Variants in TTC28 observed in about 807,000 individuals in gnomAD.
TTC28 encodes the protein tetratricopeptide repeat domain 28.
A neutral mutation model predicts 198.0 loss-of-function variants in TTC28; 61 were observed. The ratio of observed to expected loss-of-function variants is 0.31; its 90% CI spans 0.25 to 0.38. The LOEUF is 0.38. Ranked by LOEUF, TTC28 falls within the 10% of genes least tolerant of loss-of-function variation. The pLI, the probability that TTC28 is intolerant of heterozygous loss-of-function variation, is 1.00. For synonymous variants in TTC28, 1,171 were observed against 1,297.8 expected, an observed-to-expected ratio of 0.90 and a Z score of 2.10; for missense variants, 2,678 against 3,164.0, an observed-to-expected ratio of 0.85 and a Z score of 3.69.
At chr22:27,994,289 C>G (rs1319504633) in intron 17 of TTC28, among the ~76,000 whole-genome samples, 1 of 152,178 alleles carries the variant, frequency 6.6e-6, no homozygotes, top group Non-Finnish European at 1.5e-5. Context: ...ACACCCCACC[C>G]CCTAAAAACA....
intron 2 of TTC28, among the ~76,000 whole-genome samples, chr22:28,554,781 G>C (rs769121720): frequency 6.6e-5 from 10 of 152,156 alleles, no homozygotes; most frequent in Non-Finnish European, 7.3e-5. Flanking sequence ...TGAGGCAGGA[G>C]AATCACTTGA....
chr22:27,988,696 T>A (rs976174003), intron 21 of TTC28, among the ~76,000 whole-genome samples: 1 of 152,086 alleles, frequency 6.6e-6, no homozygotes, highest in Non-Finnish European at 1.5e-5. Flanking sequence ...CTTCTCTCAG[T>A]TTAAAATCCA....
At chr22:28,297,196 C>A (rs1280292899) in intron 4 of TTC28, among the ~76,000 whole-genome samples, 1 of 151,900 alleles carries the variant, frequency 6.6e-6, no homozygotes, top group African/African-American at 2.4e-5. Context: ...TAGAGGCACT[C>A]GCTTTTTTTT....
At position 28,245,775 on chromosome 22, in the gene TTC28, C is replaced by T. The variant is rs183550904; in HGVS notation, c.933+50423G>A. On this transcript the variant is annotated intron_variant, in intron 5 of 22. Coordinates refer to ENST00000397906, the MANE Select transcript of TTC28 (RefSeq NM_001145418.2). ...CACACTACAGACAAATTAACATTTA[C>T]CACTGCCTCTAGAACAAAGGTCAAG... 8.0e-4 allele frequency among the ~76,000 whole-genome samples: 122 copies of T among 152,282 alleles called. 2 individuals carry two copies. The highest frequency in any genetic ancestry group is 1.8e-4 in the Non-Finnish European group (12 of 68,014).
At chr22:28,209,542 GCACAGCAGTC>G (rs1926722225) in intron 5 of TTC28, among the ~76,000 whole-genome samples, 1 of 152,180 alleles carries the variant, frequency 6.6e-6, no homozygotes. Flanking sequence ...CTCACTGCTA[GCACAGCAGTC>G]TGAGATTGAA....
intron 5 of TTC28, among the ~76,000 whole-genome samples, chr22:28,215,839 G>A (rs970999474): frequency 6.6e-6 from 1 of 152,102 alleles, no homozygotes; most frequent in Non-Finnish European, 1.5e-5. Flanking sequence ...GCAAATATAA[G>A]GCATGTTTTT....
At chr22:28,369,813 A>G (rs1398212730) in intron 2 of TTC28, among the ~76,000 whole-genome samples, 1 of 152,220 alleles carries the variant, frequency 6.6e-6, no homozygotes, top group Non-Finnish European at 1.5e-5. Flanking sequence ...AAAAACTTTC[A>G]GAATAAATGT....
intron 2 of TTC28, among the ~76,000 whole-genome samples, chr22:28,390,799 T>C (rs1233526520): frequency 6.6e-6 from 1 of 152,212 alleles, no homozygotes; most frequent in Non-Finnish European, 1.5e-5. Flanking sequence ...CTTTATCCAA[T>C]TTGCCAGTCT....
At chr22:28,054,528 G>A (rs1940199707) in intron 12 of TTC28, among the ~76,000 whole-genome samples, 2 of 152,052 alleles carry the variant, frequency 1.3e-5, no homozygotes, top group South Asian at 4.2e-4. Context: ...GATAAGAGAG[G>A]GGTGTTGCCA....
intron 5 of TTC28, among the ~76,000 whole-genome samples, chr22:28,169,586 CA>C (rs1437880113): frequency 6.6e-6 from 1 of 152,030 alleles, no homozygotes; most frequent in Admixed American, 6.6e-5. Context: ...AACCAAACAC[CA>C]CATGTTCTCA....
intron 12 of TTC28, among the ~76,000 whole-genome samples, chr22:28,048,111 T>C (rs539031520): frequency 4.4e-4 from 67 of 151,880 alleles, no homozygotes; most frequent in African/African-American, 1.6e-3. Context: ...AAGGAGGTTT[T>C]TTTCTGCTTG....
At chr22:28,545,099 G>C (rs747077127) in intron 2 of TTC28, among the ~76,000 whole-genome samples, 1 of 152,048 alleles carries the variant, frequency 6.6e-6, no homozygotes, top group Non-Finnish European at 1.5e-5. Flanking sequence ...CCCTCTCTTG[G>C]GGTCTGGATG....
chr22:28,438,156 A>C (rs978885249), intron 2 of TTC28, among the ~76,000 whole-genome samples: 1 of 152,202 alleles, frequency 6.6e-6, no homozygotes, highest in African/African-American at 2.4e-5. Context: ...ATACTATTAA[A>C]TAAATTGTGG....
At chr22:28,261,249 C>G (rs543572415) in intron 5 of TTC28, among the ~76,000 whole-genome samples, 1 of 152,216 alleles carries the variant, frequency 6.6e-6, no homozygotes, top group African/African-American at 2.4e-5. Flanking sequence ...AGTCTGTCAT[C>G]ATAGAACATT....
At chr22:28,064,118 T>A (rs1353863347) in intron 12 of TTC28, among the ~76,000 whole-genome samples, 1 of 152,134 alleles carries the variant, frequency 6.6e-6, no homozygotes, top group Admixed American at 6.5e-5. Flanking sequence ...GGGATGGATA[T>A]GAAAGAAGTG....
chr22:28,495,017 T>C (rs970514392), intron 2 of TTC28, among the ~76,000 whole-genome samples: 50 of 151,688 alleles, frequency 3.3e-4, no homozygotes, highest in Non-Finnish European at 1.5e-4. Flanking sequence ...AATATTAAAA[T>C]TGAAGAAATG....
intron 2 of TTC28, among the ~76,000 whole-genome samples, chr22:28,447,973 C>A (rs2047727044): frequency 6.6e-6 from 1 of 152,108 alleles, no homozygotes; most frequent in African/African-American, 2.4e-5. Context: ...TTTCTTCTTT[C>A]TTTCGCTTAC....
intron 2 of TTC28, among the ~76,000 whole-genome samples, chr22:28,422,080 TAA>T (rs2047263474): frequency 6.6e-6 from 1 of 152,178 alleles, no homozygotes; most frequent in South Asian, 2.1e-4. Context: ...TGATAATTGT[TAA>T]AATGAAAGGA....
intron 14 of TTC28, among the ~76,000 whole-genome samples, chr22:28,004,047 G>C (rs1937823670): frequency 6.6e-6 from 1 of 152,250 alleles, no homozygotes; most frequent in African/African-American, 2.4e-5. Context: ...ATTGCTGAGT[G>C]AAACTCAGTA....
Sources: gnomAD v4.1 joint callset for allele counts (sites outside exome capture counted in the v4.1 genomes callset) on GRCh38, gnomAD v4.1.1 for gene constraint, MANE v1.5 for transcripts, NCBI Gene and HGNC (gene_info 2026-07-23, HGNC 2026-07-21) for gene names.